Variants in ZNF718 observed in about 807,000 individuals in gnomAD.
The protein encoded by ZNF718 is zinc finger protein 718.
ZNF718 carries 3 observed loss-of-function variants against 2.6 expected under a neutral mutation model. The observed-to-expected ratio is 1.16, with a 90% confidence interval of 0.53 to 3.01. ZNF718 has a LOEUF of 3.01. Ranked by LOEUF, ZNF718 falls within the 30% of genes most tolerant of loss-of-function variation. The pLI is 0.03. For missense variants in ZNF718, 468 were observed against 230.0 expected (o/e 2.03, Z -6.69); for synonymous variants, 135 against 77.9 (o/e 1.73, Z -3.86).
At chr4:188,221 G>C (rs1717608724) in intron 3 of ZNF718, among the ~76,000 whole-genome samples, 1 of 152,220 alleles carries the variant, frequency 6.6e-6, no homozygotes, top group Non-Finnish European at 1.5e-5. Context: ...GCCCCTGCTG[G>C]GAAGACTCAT....
In ZNF718 at chr4:135,239, TAA is replaced by T. The variant is rs1227093983; in HGVS notation, c.226+3751_226+3752del. On this transcript the variant is annotated intron_variant, in intron 3 of 3. Coordinates refer to ENST00000510175, the MANE Select transcript of ZNF718 (RefSeq NM_001039127.6). ...TGGAGACAGAGTGAGACTCTTGTCT[TAA>T]AAAAAAAAAAAAAAAAGTTTATTTT... 7.9e-3 allele frequency among the ~76,000 whole-genome samples: 1,065 copies of T among 135,580 alleles called. 12 individuals are homozygous for T. Among genetic ancestry groups the T allele is most frequent in the Middle Eastern group, 0.067 (18 of 270 alleles). The allele number at this position is 135,580 out of a possible 152,430, so 88.9% of individuals were successfully genotyped here.
rs557188512 is a variant in ZNF718 at position 139,935 on chromosome 4, T to C, written c.226+8430T>C. ...CACCTCCTGGTTTGCTTAAGGAACCTGGGTCTTTTTCATTTTTTTTTCCTT... is the reference window on the plus strand; with the variant it reads ...CACCTCCTGGTTTGCTTAAGGAACCCGGGTCTTTTTCATTTTTTTTTCCTT... On this transcript the variant is annotated intron_variant, in intron 3 of 3. Coordinates refer to ENST00000510175, the MANE Select transcript of ZNF718 (RefSeq NM_001039127.6). Among the ~76,000 whole-genome samples the C allele has an allele frequency of 5.3e-5, 8 of 152,320 alleles. No individual in the cohort carries two copies. The East Asian group carries it at 1.3e-3, about 26-fold the overall frequency.
At chr4:155,860 C>T (rs1310765055) in intron 3 of ZNF718, among the ~76,000 whole-genome samples, 5 of 152,108 alleles carry the variant, frequency 3.3e-5, no homozygotes, top group Admixed American at 2.6e-4. Context: ...AGCCAAATCT[C>T]ATTTTGAATT....
intron 3 of ZNF718, among the ~76,000 whole-genome samples, chr4:139,301 T>A (rs1170437821): frequency 6.6e-6 from 1 of 152,234 alleles, no homozygotes; most frequent in African/African-American, 2.4e-5. Flanking sequence ...TTTTTTTAGA[T>A]GGCAAGAGAT....
rs1244795487 is a variant in ZNF718 at position 130,905 on chromosome 4, G to T, written c.121G>T (p.Val41Phe). The T allele has an allele frequency of 8.5e-6, 3 of 354,694 alleles. 1 individual carries two copies. Among genetic ancestry groups the T allele is most frequent in the Non-Finnish European group, 1.5e-5 (3 of 197,612 alleles). 22.0% of individuals were successfully genotyped at this position (354,694 alleles called of 1,614,324 possible). Residue 41 changes from valine to phenylalanine, a missense_variant, in exon 2 of 4, where the codon GTC (valine) becomes TTC (phenylalanine). Val to Phe is a conservative substitution (Grantham distance 50). Transcript: ENST00000510175. ...GATGTTGGAGAACTACAGAAACCTGGTCTCCCTGGGTAAGGATAACTTTAA... is the reference window on the plus strand; with the variant it reads ...GATGTTGGAGAACTACAGAAACCTGTTCTCCCTGGGTAAGGATAACTTTAA... The part of the protein sequence containing the change: ...DVMLENYRNL[V>F]SLGVSISNPD...
In ZNF718 at chr4:131,481, C is replaced by A; in HGVS notation, c.202C>A (p.His68Asn). ...AAAAGAGCCCTACAATTTGAAGATA[C>A]ATGAAACAGCAGCCAGACCCCCAGG... ...QRKEPYNLKI[H>N]ETAARPPAVC... is the part of the protein sequence containing the mutation. The change falls in exon 3 of 4, where the codon CAT becomes AAT. Residue 68 changes from histidine (H) to asparagine (N), a missense_variant. Physicochemically the swap from His to Asn is moderately conservative, Grantham distance 68. Coordinates refer to ENST00000510175, the MANE Select transcript of ZNF718 (RefSeq NM_001039127.6). The A allele has an allele frequency of 2.0e-6, 1 of 501,446 alleles. No homozygotes were observed. The highest frequency in any genetic ancestry group is 3.2e-6 in the Non-Finnish European group (1 of 311,398). The allele number at this position is 501,446 out of a possible 1,614,324, so 31.1% of individuals were successfully genotyped here. A position where few individuals can be genotyped will look rare whatever the true frequency, so the allele number is the denominator to read the frequency against.
At chr4:164,956 G>C (rs1214344026), downstream of ZNF718, among the ~76,000 whole-genome samples, 1 of 152,156 alleles carries the variant, frequency 6.6e-6, no homozygotes, top group African/African-American at 2.4e-5. Context: ...TATCTGTGGT[G>C]AAGAAATGGT....
At chr4:125,770 A>T (rs1715182955) in intron 1 of ZNF718, among the ~76,000 whole-genome samples, 1 of 152,194 alleles carries the variant, frequency 6.6e-6, no homozygotes, top group African/African-American at 2.4e-5. Context: ...ACTCCTGAGC[A>T]CGCCCACTGG....
At chr4:152,464 C>T (rs1434331067) in intron 3 of ZNF718, among the ~76,000 whole-genome samples, 1 of 141,406 alleles carries the variant, frequency 7.1e-6, no homozygotes, top group Non-Finnish European at 1.5e-5. Flanking sequence ...GGTGATGACT[C>T]TTAAGGAGCA....
chr4:166,873 A>G (rs1049376709), downstream of ZNF718, among the ~76,000 whole-genome samples: 9 of 151,168 alleles, frequency 6.0e-5, no homozygotes, highest in Non-Finnish European at 1.2e-4. Context: ...CCATTTGTCA[A>G]TTTTGGCTTT....
At chr4:167,777 T>C (rs573334817), downstream of ZNF718, among the ~76,000 whole-genome samples, 1 of 152,280 alleles carries the variant, frequency 6.6e-6, no homozygotes, top group Non-Finnish European at 1.5e-5. Flanking sequence ...TTTCTTGATA[T>C]ACAATCTTGT....
chr4:140,142 A>G (rs1223764989), intron 3 of ZNF718, among the ~76,000 whole-genome samples: 4 of 152,064 alleles, frequency 2.6e-5, no homozygotes, highest in African/African-American at 9.7e-5. Flanking sequence ...ACCGTACTCA[A>G]CTGGCTACGG....
intron 1 of ZNF718, among the ~76,000 whole-genome samples, chr4:126,577 AT>A (rs1469136931): frequency 1.3e-5 from 2 of 152,086 alleles, no homozygotes; most frequent in Non-Finnish European, 2.9e-5. Flanking sequence ...TGGGAAGTTT[AT>A]TTTTCTTTTG....
At chr4:144,928 G>GTC (rs78518339) in intron 3 of ZNF718, among the ~76,000 whole-genome samples, 36,789 of 151,486 alleles carry the variant, frequency 0.24, 4,857 homozygotes, top group African/African-American at 0.32. Context: ...CATATGCAAA[G>GTC]TTTTTTTTGT....
chr4:165,375 AAAC>A (rs1443669438), downstream of ZNF718, among the ~76,000 whole-genome samples: 1 of 152,196 alleles, frequency 6.6e-6, no homozygotes, highest in African/African-American at 2.4e-5. Context: ...ATGAAATTCT[AAAC>A]AAAGTATGTT....
chr4:147,420 G>C (rs1428429775), intron 3 of ZNF718, among the ~76,000 whole-genome samples: 1 of 152,060 alleles, frequency 6.6e-6, no homozygotes, highest in Non-Finnish European at 1.5e-5. Flanking sequence ...GGACTGATGC[G>C]ATTTCTGCTG....
intron 3 of ZNF718, among the ~76,000 whole-genome samples, chr4:135,944 A>C (rs2108783061): frequency 6.6e-6 from 1 of 151,836 alleles, no homozygotes; most frequent in African/African-American, 2.4e-5. Flanking sequence ...TGTACGTTTG[A>C]AGGATCTAAC....
rs1431186822 is a variant in ZNF718 at position 127,704 on chromosome 4, C to T, written c.3+3031C>T. On this transcript the variant is annotated intron_variant, in intron 1 of 3. Transcript: ENST00000510175. Reference sequence around the variant, plus strand: ...TGAGACCACAGTGATGTACTGTTCCCGTCTTTGAACTATTTGTCTTTTGAA... The same window carrying T: ...TGAGACCACAGTGATGTACTGTTCCTGTCTTTGAACTATTTGTCTTTTGAA... 3.8e-5 allele frequency among the ~76,000 whole-genome samples: 4 copies of T among 104,966 alleles called. 2 individuals are homozygous for T. Among genetic ancestry groups the T allele is most frequent in the Non-Finnish European group, 8.5e-5 (4 of 46,900 alleles). 68.9% of individuals were successfully genotyped at this position (104,966 alleles called of 152,430 possible).
In ZNF718 at chr4:160,981, T is replaced by C. The variant is rs372551507; in HGVS notation, c.296T>C (p.Ile99Thr). 1.4e-3 allele frequency: 1,126 copies of C among 781,014 alleles called. 22 individuals are homozygous for C. In the South Asian group the frequency reaches 0.014, roughly 10 times the overall value. 48.4% of individuals were successfully genotyped at this position (781,014 alleles called of 1,614,324 possible). The change falls in exon 4 of 4, where the codon ATA becomes ACA. Residue 99 changes from isoleucine (I) to threonine (T), a missense_variant. Coordinates refer to ENST00000510175, the MANE Select transcript of ZNF718 (RefSeq NM_001039127.6). ...ATAGAAGATTCATTCCACAAACTTA[T>C]ACCAAAAGGACATGAGAAACGTGGA... is the stretch of plus-strand genomic sequence containing the variant. Reference protein sequence around the residue: ...QGIEDSFHKLIPKGHEKRGHE... With the variant: ...QGIEDSFHKLTPKGHEKRGHE...
Sources: gnomAD v4.1 joint callset for allele counts (sites outside exome capture counted in the v4.1 genomes callset) on GRCh38, gnomAD v4.1.1 for gene constraint, MANE v1.5 for transcripts, NCBI Gene and HGNC (gene_info 2026-07-23, HGNC 2026-07-21) for gene names.